The following SPAG17 variants were observed in gnomAD, a reference collection of about 807,000 sequenced individuals.
SPAG17 encodes sperm associated antigen 17.
A neutral mutation model predicts 273.6 loss-of-function variants in SPAG17; 169 were observed. That is an observed-to-expected ratio of 0.62 (90% CI 0.55 to 0.70). SPAG17 has a LOEUF of 0.70. SPAG17 is among the 30% of genes least tolerant of loss of function. The pLI is 0.00. For missense variants in SPAG17, 2,557 were observed against 2,627.8 expected (o/e 0.97, Z 0.59); for synonymous variants, 825 against 873.2 (o/e 0.94, Z 0.97).
rs371232612 is a variant in SPAG17 at position 118,008,196 on chromosome 1, C to T, written c.4435G>A (p.Glu1479Lys). The change falls in exon 31 of 49, where the codon GAG becomes AAG. Residue 1479 changes from glutamate to lysine, a missense_variant and splice_region_variant. By Grantham distance (56) the Glu-to-Lys change is moderately conservative. Coordinates refer to ENST00000336338, the MANE Select transcript of SPAG17 (RefSeq NM_206996.4). ...IILPDDQETTEGPRTVTRQVK... is the reference protein window; with the variant it reads ...IILPDDQETTKGPRTVTRQVK... ...TGCCTGGTGACAGTCCGAGGACCCTCGGCTACAAGCAAATGCAAGGTAAGC... is the reference window on the plus strand; with the variant it reads ...TGCCTGGTGACAGTCCGAGGACCCTTGGCTACAAGCAAATGCAAGGTAAGC... The T allele has an allele frequency of 6.4e-5, 104 of 1,613,628 alleles. No homozygotes were observed. The highest frequency in any genetic ancestry group is 7.5e-5 in the Non-Finnish European group (89 of 1,179,872).
At chr1:117,976,662 C>T (rs1454998034) in intron 43 of SPAG17, among the ~76,000 whole-genome samples, 1 of 152,122 alleles carries the variant, frequency 6.6e-6, no homozygotes, top group Non-Finnish European at 1.5e-5. Context: ...TGGAATACAC[C>T]TGAACATTAC....
chr1:118,008,199 C>T lies in SPAG17; in HGVS notation c.4433-1G>A, dbSNP rs1659105960. On this transcript the variant is annotated splice_acceptor_variant, in intron 30 of 48. Coordinates refer to ENST00000336338, the MANE Select transcript of SPAG17 (RefSeq NM_206996.4). LOFTEE classifies it high-confidence loss of function. ...CTGGTGACAGTCCGAGGACCCTCGG[C>T]TACAAGCAAATGCAAGGTAAGCAGA... 3 of 1,613,470 alleles carry T rather than the reference C, an allele frequency of 1.9e-6. No homozygotes were observed. The South Asian group carries it at 3.3e-5, about 18-fold the overall frequency.
chr1:118,129,257 GATGAACAA>G (rs1657919987), intron 3 of SPAG17, among the ~76,000 whole-genome samples: 1 of 152,220 alleles, frequency 6.6e-6, no homozygotes, highest in Non-Finnish European at 1.5e-5. Context: ...TAACTTAGAA[GATGAACAA>G]ATTGATACTG....
At chr1:118,028,488 A>G (rs1367966328) in intron 25 of SPAG17, 94 bp from the exon 26 acceptor site, 2 of 1,509,694 alleles carry the variant, frequency 1.3e-6, no homozygotes, top group Non-Finnish European at 1.8e-6. Context: ...AGTGCTCAGG[A>G]CATGACTTGC....
intron 24 of SPAG17, among the ~76,000 whole-genome samples, chr1:118,033,826 G>A (rs1338271033): frequency 6.6e-6 from 1 of 152,168 alleles, no homozygotes; most frequent in Non-Finnish European, 1.5e-5. Flanking sequence ...TCTGTGCCTG[G>A]ATAGTTCCAC....
intron 1 of SPAG17, among the ~76,000 whole-genome samples, chr1:118,184,462 T>C (rs1661087535): frequency 6.6e-6 from 1 of 152,090 alleles, no homozygotes; most frequent in South Asian, 2.1e-4. Context: ...CCTGGTGCCT[T>C]TGTGGCATTC....
In SPAG17 at chr1:118,151,243, C is replaced by A. The variant is rs1659360419; in HGVS notation, c.214G>T (p.Asp72Tyr). ...GGGACAGGTACCTGCTGGAGAATGT[C>A]TTGCCACGACACCATACTGAAGAGT... ...RKLFSMVSWQ[D>Y]ILQQINEINT... Residue 72 changes from aspartate to tyrosine, a missense_variant, in exon 2 of 49, where the codon GAC (aspartate) becomes TAC (tyrosine). Transcript: ENST00000336338. 1.9e-6 allele frequency: 3 copies of A among 1,583,946 alleles called. No individual in the cohort carries two copies. The Admixed American group carries it at 5.1e-5, about 27-fold the overall frequency.
intron 5 of SPAG17, 111 bp downstream of exon 5, chr1:118,101,629 T>C: frequency 9.8e-7 from 1 of 1,017,988 alleles, no homozygotes; most frequent in Non-Finnish European, 1.4e-6. Context: ...GTGGGGGAAT[T>C]GGCGTCAGGA....
intron 46 of SPAG17, among the ~76,000 whole-genome samples, chr1:117,968,881 G>A (rs1654222354): frequency 6.6e-6 from 1 of 152,206 alleles, no homozygotes. Context: ...ACTTCATTCT[G>A]TCATTCAATC....
intron 1 of SPAG17, among the ~76,000 whole-genome samples, chr1:118,183,574 A>G (rs1661045977): frequency 6.6e-6 from 1 of 152,210 alleles, no homozygotes; most frequent in Non-Finnish European, 1.5e-5. Context: ...ATTAATACAT[A>G]AGATTTATTG....
chr1:118,081,171 T>A lies in SPAG17; in HGVS notation c.2139A>T (p.Ser713=). The A allele has an allele frequency of 1.9e-6, 3 of 1,614,018 alleles. No homozygotes were observed. Among genetic ancestry groups the A allele is most frequent in the Non-Finnish European group, 2.5e-6 (3 of 1,179,970 alleles). ...CTAACAGCTGTCTATTATCAGGGAC[T>A]GAGAGTTTGAGATTATTCAAGTCAG... ...KHSDLNNLKL[S]VPDNRQLLEQ... Residue 713 remains serine, a synonymous_variant, in exon 15 of 49, where the codon TCA becomes TCT. Coordinates refer to ENST00000336338, the MANE Select transcript of SPAG17 (RefSeq NM_206996.4).
chr1:118,154,898 T>C (rs1659572353), intron 1 of SPAG17, among the ~76,000 whole-genome samples: 1 of 152,058 alleles, frequency 6.6e-6, no homozygotes, highest in South Asian at 2.1e-4. Flanking sequence ...GTGTAATTAG[T>C]AGCAAGAGCT....
Position 117,991,544 on chromosome 1 carries a change from A to G in SPAG17, c.5362-16T>C, listed in dbSNP as rs1657073703. Reference sequence around the variant, plus strand: ...TTATGTAATCCTAAATCAGCAGAATAAAATACATAGACAAAAACTAGGAAT... The same window carrying G: ...TTATGTAATCCTAAATCAGCAGAATGAAATACATAGACAAAAACTAGGAAT... On this transcript the variant is annotated splice_polypyrimidine_tract_variant and intron_variant, in intron 36 of 48. Coordinates refer to ENST00000336338, the MANE Select transcript of SPAG17 (RefSeq NM_206996.4). 4.1e-6 allele frequency: 6 copies of G among 1,478,614 alleles called. No homozygotes were observed. In the East Asian group the frequency reaches 1.4e-4, roughly 34 times the overall value. 91.6% of individuals were successfully genotyped at this position (1,478,614 alleles called of 1,614,324 possible). A position where few individuals can be genotyped will look rare whatever the true frequency, so the allele number is the denominator to read the frequency against.
At chr1:118,150,471 G>T in intron 3 of SPAG17, 72 bp downstream of exon 3, 1 of 758,538 alleles carries the variant, frequency 1.3e-6, no homozygotes, top group Non-Finnish European at 2.1e-6. Flanking sequence ...ATTTAAAAAT[G>T]GCTATCAAAT....
At chr1:118,110,578 G>T (rs1656699003) in intron 4 of SPAG17, among the ~76,000 whole-genome samples, 1 of 152,020 alleles carries the variant, frequency 6.6e-6, no homozygotes, top group Non-Finnish European at 1.5e-5. Flanking sequence ...ATTTCTGCGT[G>T]GGGGGCAGGA....
intron 1 of SPAG17, among the ~76,000 whole-genome samples, chr1:118,167,311 T>C (rs2102385150): frequency 6.6e-6 from 1 of 152,302 alleles, no homozygotes; most frequent in South Asian, 2.1e-4. Flanking sequence ...AATTAATCAA[T>C]TTTTAAGTAG....
chr1:118,077,372 G>C (rs1045211941), intron 15 of SPAG17, among the ~76,000 whole-genome samples: 20 of 151,936 alleles, frequency 1.3e-4, no homozygotes, highest in African/African-American at 4.8e-4. Flanking sequence ...CAGATTGCGT[G>C]GCCTCTAGGA....
rs1384018928 is a variant in SPAG17 at position 117,973,330 on chromosome 1, A to G, written c.6141+95T>C. On this transcript the variant is annotated intron_variant, in intron 44 of 48. Transcript: ENST00000336338. ...CTTCAATGAATCAGAATTACATAAA[A>G]TCTACAAAAGGAGCAGGATTGAAAA... 5.4e-6 allele frequency: 8 copies of G among 1,478,490 alleles called. No homozygotes were observed. In the Admixed American group the frequency reaches 1.6e-4, roughly 30 times the overall value. The allele number at this position is 1,478,490 out of a possible 1,614,324, so 91.6% of individuals were successfully genotyped here.
At chr1:118,087,891 C>A (rs901735299) in intron 10 of SPAG17, among the ~76,000 whole-genome samples, 4 of 152,136 alleles carry the variant, frequency 2.6e-5, no homozygotes, top group African/African-American at 9.7e-5. Context: ...TAGCAATGTC[C>A]CTGGTGTCTA....
Sources: gnomAD v4.1 joint callset for allele counts (sites outside exome capture counted in the v4.1 genomes callset) on GRCh38, gnomAD v4.1.1 for gene constraint, MANE v1.5 for transcripts, NCBI Gene and HGNC (gene_info 2026-07-23, HGNC 2026-07-21) for gene names.